Variants in TMPRSS3 observed in about 807,000 individuals in gnomAD.
TMPRSS3 encodes the protein transmembrane protease serine 3.
Under a neutral mutation model 59.6 loss-of-function variants are expected in TMPRSS3, and 55 were observed. The ratio of observed to expected loss-of-function variants is 0.92; its 90% CI spans 0.74 to 1.16. The LOEUF (loss-of-function observed/expected upper bound fraction) is 1.16, where lower values mean the gene tolerates loss of function less well. TMPRSS3 is among the 50% of genes most tolerant of loss of function. The probability of loss-of-function intolerance (pLI) is 0.00; values close to 1 mark genes in which losing one functional copy is unlikely to be tolerated. For synonymous variants in TMPRSS3, 257 were observed against 237.7 expected, an observed-to-expected ratio of 1.08 and a Z score of -0.75; for missense variants, 596 against 579.4, an observed-to-expected ratio of 1.03 and a Z score of -0.29.
intron 8 of TMPRSS3, chr21:42,382,821 C>T (rs1254496473): frequency 9.3e-6 from 6 of 641,936 alleles, no homozygotes; most frequent in Non-Finnish European, 1.4e-5. Flanking sequence ...CTAGGAGCTA[C>T]AATCCTTAAA....
rs113747896 is a variant in TMPRSS3, at chr21:42,376,613, G to A, written c.1119C>T (p.Asp373=). Residue 373 remains aspartate, a synonymous_variant, in exon 11 of 13, where the codon GAC becomes GAT. Transcript: ENST00000644384. ...AGGGGGAGATGATGCCACCGTACAC[G>A]TCCCTGTGGTTGCAGATCTTGTTGG... is the stretch of plus-strand genomic sequence containing the variant. ...LISNKICNHR[D]VYGGIISPSM... is the part of the protein sequence containing the mutation. 1,126 of 1,614,052 alleles carry A rather than the reference G, an allele frequency of 7.0e-4. 4 individuals carry two copies. In the African/African-American group the frequency reaches 9.2e-3, roughly 13 times the overall value.
At chr21:42,380,337 G>T (rs1002524504) in intron 9 of TMPRSS3, 125 bp from the exon 10 acceptor site, 5 of 803,624 alleles carry the variant, frequency 6.2e-6, no homozygotes, top group Non-Finnish European at 8.4e-6. Flanking sequence ...TCAAGCCCTT[G>T]GTTACTTGAA....
rs777595673 is a variant in TMPRSS3, at chr21:42,375,727, C to G, written c.1333G>C (p.Glu445Gln). The G allele has an allele frequency of 2.5e-6, 4 of 1,613,784 alleles. No homozygotes were observed. The South Asian group carries it at 4.4e-5, about 18-fold the overall frequency. ...GGCGCCGCACCCACCTCCATCTGCT[C>G]GTGGATCCAGTCCAGGAAGGAGGTG... The part of the protein sequence containing the change: ...RVTSFLDWIH[E>Q]QMERDLKT Residue 445 changes from glutamate (E) to glutamine (Q), a missense_variant, in exon 12 of 13, where the codon GAG becomes CAG. Glu to Gln is a conservative substitution (Grantham distance 29). Transcript: ENST00000644384.
intron 2 of TMPRSS3, among the ~76,000 whole-genome samples, chr21:42,394,896 C>T (rs551283936): frequency 6.6e-6 from 1 of 152,334 alleles, no homozygotes; most frequent in South Asian, 2.1e-4. Flanking sequence ...GGAGCCACTC[C>T]GTCATCTGCT....
At chr21:42,382,345 G>C in intron 8 of TMPRSS3, 111 bp from the exon 9 acceptor site, 2 of 967,142 alleles carry the variant, frequency 2.1e-6, no homozygotes, top group Non-Finnish European at 1.6e-6. Flanking sequence ...TATCAGGCAA[G>C]ATGTGGTCCC....
intron 10 of TMPRSS3, among the ~76,000 whole-genome samples, chr21:42,379,580 C>G (rs1299271026): frequency 1.3e-5 from 2 of 152,122 alleles, no homozygotes; most frequent in African/African-American, 2.4e-5. Flanking sequence ...GACTCATGAC[C>G]AGCTCTGTAC....
At position 42,388,558 on chromosome 21, in the gene TMPRSS3, G is replaced by A; in HGVS notation, c.323-32C>T. 1 of 1,614,126 alleles carries A rather than the reference G, an allele frequency of 6.2e-7. No individual in the cohort carries two copies. Among genetic ancestry groups the A allele is most frequent in the Non-Finnish European group, 8.5e-7 (1 of 1,180,032 alleles). ...GATGTGCAGAAAGAAAGGCTTATTA[G>A]TGGCCAGTGGAACCCTGAGACCATA... On this transcript the variant is annotated intron_variant, in intron 4 of 12. Transcript: ENST00000644384. This position sits in a 1 kb window ranked among gnomAD's most constrained non-coding sequence, Gnocchi z 5.1.
chr21:42,386,712 G>A (rs2052639390), intron 5 of TMPRSS3, among the ~76,000 whole-genome samples: 1 of 151,646 alleles, frequency 6.6e-6, no homozygotes, highest in African/African-American at 2.4e-5. Context: ...CATGAACTGT[G>A]TGTGGAACTT....
At chr21:42,389,807 T>C in intron 3 of TMPRSS3, 120 bp downstream of exon 3, 1 of 801,234 alleles carries the variant, frequency 1.2e-6, no homozygotes, top group Non-Finnish European at 2.2e-6. Context: ...CAAAAGGATG[T>C]TTGCCTCCAG....
chr21:42,372,365 G>A lies in TMPRSS3; in HGVS notation c.*397C>T, dbSNP rs886057092. ...ATTTGAGGTCAGGGGTTTGAGAGCA[G>A]CCTGGCCAACATGGTGAAACCCTGT... On this transcript the variant is annotated 3_prime_UTR_variant, in exon 13 of 13. Coordinates refer to ENST00000644384, the MANE Select transcript of TMPRSS3 (RefSeq NM_001256317.3). 4 of 459,684 alleles carry A rather than the reference G, an allele frequency of 8.7e-6. No homozygotes were observed. Among genetic ancestry groups the A allele is most frequent in the East Asian group, 6.8e-5 (1 of 14,700 alleles). 28.5% of individuals were successfully genotyped at this position (459,684 alleles called of 1,614,324 possible). A position where few individuals can be genotyped will look rare whatever the true frequency, so the allele number is the denominator to read the frequency against.
rs1023912755 is a variant in TMPRSS3 at position 42,372,175 on chromosome 21, T to G, written c.*587A>C. The stretch of plus-strand genomic sequence containing the variant: ...CATAACTGCTTATCTCGTCAGGAAT[T>G]TTGCAAGACCCCTGGAGAGAAAACC... On this transcript the variant is annotated 3_prime_UTR_variant, in exon 13 of 13. Transcript: ENST00000644384. 4.4e-5 allele frequency: 19 copies of G among 428,930 alleles called. No homozygotes were observed. The highest frequency in any genetic ancestry group is 3.9e-4 in the African/African-American group (19 of 48,544). The allele number at this position is 428,930 out of a possible 1,614,324, so 26.6% of individuals were successfully genotyped here.
intron 9 of TMPRSS3, 166 bp downstream of exon 9, chr21:42,381,899 G>A: frequency 3.4e-6 from 3 of 893,654 alleles, no homozygotes; most frequent in Non-Finnish European, 3.6e-6. Flanking sequence ...ATTTTAATGA[G>A]AAAAGATAAT....
chr21:42,395,255 T>C, intron 2 of TMPRSS3, 69 bp downstream of exon 2: 1 of 1,320,024 alleles, frequency 7.6e-7, no homozygotes. Flanking sequence ...ACAGGGACAG[T>C]CAGTCACATT....
At chr21:42,389,068 G>C (rs751137559) in intron 3 of TMPRSS3, 23 bp from the exon 4 acceptor site, 1 of 1,613,724 alleles carries the variant, frequency 6.2e-7, no homozygotes. Flanking sequence ...AGGAAGGCAG[G>C]AATTAACCAA....
intron 2 of TMPRSS3, 182 bp from the exon 3 acceptor site, chr21:42,390,219 C>A: frequency 1.6e-6 from 1 of 633,940 alleles, no homozygotes; most frequent in Admixed American, 2.3e-5. Context: ...TTCAGTCCTA[C>A]CTGCTCCACC....
intron 1 of TMPRSS3, 52 bp from the exon 2 acceptor site, chr21:42,395,520 A>G: frequency 5.1e-6 from 5 of 976,662 alleles, no homozygotes; most frequent in Admixed American, 2.0e-5. Flanking sequence ...TACTTGTAGC[A>G]TCAGGTGCAT....
At position 42,383,063 on chromosome 21, in the gene TMPRSS3, C is replaced by A; in HGVS notation, c.752G>T (p.Trp251Leu). 6.2e-7 allele frequency: 1 copy of A among 1,614,158 alleles called. No homozygotes were observed. Among genetic ancestry groups the A allele is most frequent in the South Asian group, 1.1e-5 (1 of 91,084 alleles). Residue 251 changes from tryptophan (W) to leucine (L), a missense_variant, in exon 8 of 13, where the codon TGG becomes TTG. Transcript: ENST00000644384. The stretch of plus-strand genomic sequence containing the variant: ...AACACAGTGTGCAGCAGTGATGATC[C>A]ACAGGGGCGTGATGACAGAGCCCCC... ...LCGGSVITPL[W>L]IITAAHCVYD...
intron 10 of TMPRSS3, among the ~76,000 whole-genome samples, chr21:42,377,204 C>T (rs1018376867): frequency 1.3e-5 from 2 of 152,204 alleles, no homozygotes; most frequent in Admixed American, 1.3e-4. Context: ...CATTGAGGGA[C>T]AGGCCTTGAG....
At chr21:42,373,840 T>G (rs541743784) in intron 12 of TMPRSS3, among the ~76,000 whole-genome samples, 1 of 152,292 alleles carries the variant, frequency 6.6e-6, no homozygotes, top group East Asian at 1.9e-4. Flanking sequence ...GGAACCGTTG[T>G]GAGCGGGCTC....
Sources: allele counts gnomAD v4.1 joint callset (sites outside exome capture counted in the v4.1 genomes callset), GRCh38; gene constraint gnomAD v4.1.1; non-coding constraint Gnocchi (gnomAD v3.1); transcripts MANE v1.5; gene names NCBI Gene and HGNC (gene_info 2026-07-23, HGNC 2026-07-21).